Variants in PTPRD observed in about 807,000 individuals in gnomAD.
PTPRD encodes receptor-type tyrosine-protein phosphatase delta.
In PTPRD, 34 loss-of-function variants were observed where a neutral mutation model predicts 214.5. That is an observed-to-expected ratio of 0.16 (90% CI 0.12 to 0.21). The LOEUF is 0.21. PTPRD is among the 10% of genes least tolerant of loss of function. The probability of loss-of-function intolerance (pLI) is 1.00; values close to 1 mark genes in which losing one functional copy is unlikely to be tolerated. For missense variants in PTPRD, 2,545 were observed against 2,398.7 expected, an observed-to-expected ratio of 1.06 and a Z score of -1.27; for synonymous variants, 1,128 against 845.7, an observed-to-expected ratio of 1.33 and a Z score of -5.79.
intron 10 of PTPRD, among the ~76,000 whole-genome samples, chr9:9,066,148 G>A (rs772246801): frequency 7.9e-5 from 12 of 152,022 alleles, no homozygotes; most frequent in Non-Finnish European, 1.5e-4. Context: ...TTTTGTATGT[G>A]TACTAAAATT....
intron 9 of PTPRD, among the ~76,000 whole-genome samples, chr9:9,385,112 T>G (rs959139026): frequency 2.6e-5 from 4 of 152,266 alleles, no homozygotes; most frequent in African/African-American, 7.2e-5. Flanking sequence ...AATGCCAGGA[T>G]GTAGACATAA....
intron 10 of PTPRD, among the ~76,000 whole-genome samples, chr9:9,132,356 T>C (rs2099844183): frequency 6.6e-6 from 1 of 152,170 alleles, no homozygotes; most frequent in Non-Finnish European, 1.5e-5. Context: ...CTTGCATGAT[T>C]TGGGTAAAGT....
At chr9:9,074,642 T>C (rs944638112) in intron 10 of PTPRD, among the ~76,000 whole-genome samples, 9 of 152,230 alleles carry the variant, frequency 5.9e-5, no homozygotes, top group African/African-American at 2.2e-4. Flanking sequence ...CATGTGCCTG[T>C]TTGCCATTTG....
intron 2 of PTPRD, among the ~76,000 whole-genome samples, chr9:10,531,424 T>C (rs2056269637): frequency 6.6e-6 from 1 of 152,158 alleles, no homozygotes; most frequent in East Asian, 1.9e-4. Flanking sequence ...GACAGAATAC[T>C]CAAAGACAGC....
intron 10 of PTPRD, among the ~76,000 whole-genome samples, chr9:9,045,457 A>C (rs1404166691): frequency 6.6e-6 from 1 of 152,084 alleles, no homozygotes; most frequent in African/African-American, 2.4e-5. Flanking sequence ...TTGACAGGCA[A>C]ACAATAAAAG....
intron 4 of PTPRD, among the ~76,000 whole-genome samples, chr9:9,964,929 C>G (rs775090575): frequency 6.6e-6 from 1 of 151,998 alleles, no homozygotes; most frequent in Non-Finnish European, 1.5e-5. Flanking sequence ...TTATTTTTGT[C>G]CTAATTTTTC....
chr9:9,715,425 C>G (rs571195151), intron 7 of PTPRD, among the ~76,000 whole-genome samples: 1 of 151,692 alleles, frequency 6.6e-6, no homozygotes, highest in African/African-American at 2.4e-5. Flanking sequence ...CATTTCATAA[C>G]ATTAGTGATA....
chr9:10,161,840 C>T (rs1205584214), intron 3 of PTPRD, among the ~76,000 whole-genome samples: 1 of 151,464 alleles, frequency 6.6e-6, no homozygotes, highest in African/African-American at 2.4e-5. Flanking sequence ...TGAAATGGCT[C>T]AATAGCAAAA....
intron 8 of PTPRD, among the ~76,000 whole-genome samples, chr9:9,402,013 G>C (rs911922254): frequency 6.6e-6 from 1 of 152,014 alleles, no homozygotes; most frequent in Non-Finnish European, 1.5e-5. Flanking sequence ...GTGTGAGAAT[G>C]GACTAATGCA....
At position 8,317,825 on chromosome 9, in the gene PTPRD, A is replaced by G; in HGVS notation, c.*49T>C. The G allele has an allele frequency of 6.4e-7, 1 of 1,554,232 alleles. No homozygotes were observed. The highest frequency in any genetic ancestry group is 8.9e-7 in the Non-Finnish European group (1 of 1,126,424). Reference sequence around the variant, plus strand: ...CCCTGTATGGCTCAGAAGAGACTCCATGGATATTGAAGGGCCTGTAGTAAA... The same window carrying G: ...CCCTGTATGGCTCAGAAGAGACTCCGTGGATATTGAAGGGCCTGTAGTAAA... On this transcript the variant is annotated 3_prime_UTR_variant, in exon 46 of 46. Transcript: ENST00000381196.
intron 11 of PTPRD, among the ~76,000 whole-genome samples, chr9:8,910,142 C>T (rs916398461): frequency 6.6e-6 from 1 of 151,912 alleles, no homozygotes; most frequent in African/African-American, 2.4e-5. Context: ...AGGTTCACAC[C>T]CTTCTCCTGC....
intron 12 of PTPRD, among the ~76,000 whole-genome samples, chr9:8,644,527 G>A (rs56032582): frequency 0.047 from 7,086 of 152,234 alleles, 516 homozygotes; most frequent in African/African-American, 0.15. Flanking sequence ...ATGAAGAGAA[G>A]GAGAGAAGGG....
Position 10,271,538 on chromosome 9 carries a change from TCTTTTCTTTTC to T in PTPRD, c.-545+69414_-545+69424del, listed in dbSNP as rs755246535. 3.4e-4 allele frequency among the ~76,000 whole-genome samples: 47 copies of T among 137,044 alleles called. 3 individuals are homozygous for T. Among genetic ancestry groups the T allele is most frequent in the Non-Finnish European group, 4.3e-4 (28 of 64,486 alleles). The allele number at this position is 137,044 out of a possible 152,430, so 89.9% of individuals were successfully genotyped here. Reference sequence around the variant, plus strand: ...TACTGATAAATTCAATTGTTTCTTTTCTTTTCTTTTCTTTTTTTTTTTGAGACGGAATCTTG... The same window carrying T: ...TACTGATAAATTCAATTGTTTCTTTTTTTTTTTTTTTGAGACGGAATCTTG... On this transcript the variant is annotated intron_variant, in intron 3 of 45. Coordinates refer to ENST00000381196, the MANE Select transcript of PTPRD (RefSeq NM_002839.4).
At chr9:9,028,143 T>G (rs963642556) in intron 10 of PTPRD, among the ~76,000 whole-genome samples, 10 of 151,972 alleles carry the variant, frequency 6.6e-5, no homozygotes, top group Non-Finnish European at 1.5e-4. Flanking sequence ...AAACTGATGT[T>G]GGTTATCCCT....
chr9:10,450,491 T>C (rs1192684397), intron 2 of PTPRD, among the ~76,000 whole-genome samples: 4 of 152,054 alleles, frequency 2.6e-5, no homozygotes. Context: ...TATTTATTGC[T>C]TTATTCAAAG....
intron 10 of PTPRD, among the ~76,000 whole-genome samples, chr9:9,071,041 G>A (rs896172742): frequency 2.0e-5 from 3 of 152,104 alleles, no homozygotes; most frequent in Non-Finnish European, 2.9e-5. Flanking sequence ...TGCCTGCTGA[G>A]TGATTGGGAC....
intron 2 of PTPRD, among the ~76,000 whole-genome samples, chr9:10,543,401 A>G (rs2059538727): frequency 1.3e-5 from 2 of 151,950 alleles, no homozygotes; most frequent in Admixed American, 1.3e-4. Flanking sequence ...AAATTTACTC[A>G]TAGAATTTGT....
chr9:8,912,798 G>A (rs1030219943), intron 11 of PTPRD, among the ~76,000 whole-genome samples: 1 of 152,128 alleles, frequency 6.6e-6, no homozygotes, highest in Non-Finnish European at 1.5e-5. Flanking sequence ...CTTTTGGCTT[G>A]TTGAATTTCT....
At chr9:10,435,535 T>A (rs1566016802) in intron 2 of PTPRD, among the ~76,000 whole-genome samples, 1 of 152,002 alleles carries the variant, frequency 6.6e-6, no homozygotes, top group South Asian at 2.1e-4. Flanking sequence ...CCTGGATCAA[T>A]GTGCTCATCA....
Sources: allele counts gnomAD v4.1 joint callset (sites outside exome capture counted in the v4.1 genomes callset), GRCh38; gene constraint gnomAD v4.1.1; transcripts MANE v1.5; gene names NCBI Gene and HGNC (gene_info 2026-07-23, HGNC 2026-07-21).